PABPC4L: variants seen among roughly 807,000 people sequenced by gnomAD.
PABPC4L encodes the protein polyadenylate-binding protein 4-like.
For synonymous variants in PABPC4L, 169 were observed against 164.1 expected (o/e 1.03, Z -0.23); for missense variants, 452 against 451.4 (o/e 1.00, Z -0.01).
At chr4:134,153,306 A>T in the PABPC4L span, among the ~76,000 whole-genome samples, 3 of 151,954 alleles carry the variant, frequency 2.0e-5, no homozygotes, top group African/African-American at 7.3e-5. Context: ...CCGAGTCATC[A>T]CTGTTAATGC....
the PABPC4L span, among the ~76,000 whole-genome samples, chr4:134,108,776 T>A: frequency 6.6e-6 from 1 of 151,978 alleles, no homozygotes; most frequent in African/African-American, 2.4e-5. Context: ...TTGGAGATGG[T>A]GTTCTCACTC....
At chr4:134,032,514 C>T in the PABPC4L span, among the ~76,000 whole-genome samples, 1 of 151,726 alleles carries the variant, frequency 6.6e-6, no homozygotes, top group Admixed American at 6.6e-5. Flanking sequence ...TATTCATTGC[C>T]TGTTAGATTT....
At chr4:134,108,218 A>G in the PABPC4L span, among the ~76,000 whole-genome samples, 1 of 151,776 alleles carries the variant, frequency 6.6e-6, no homozygotes, top group African/African-American at 2.4e-5. Flanking sequence ...CATAATTGTG[A>G]TAACATATTA....
At chr4:133,971,143 C>T in the PABPC4L span, among the ~76,000 whole-genome samples, 1 of 117,648 alleles carries the variant, frequency 8.5e-6, no homozygotes. Flanking sequence ...GACGGAGTCT[C>T]ACTCTGTCGC....
the PABPC4L span, among the ~76,000 whole-genome samples, chr4:134,158,400 A>T: frequency 6.6e-6 from 1 of 152,030 alleles, no homozygotes; most frequent in Admixed American, 6.6e-5. Flanking sequence ...TTCTACAGAT[A>T]ATTTTCTAGG....
At chr4:134,194,329 G>C (rs6838352), downstream of PABPC4L, among the ~76,000 whole-genome samples, 73,689 of 151,534 alleles carry the variant, frequency 0.49, 21,513 homozygotes, top group East Asian at 0.98. Context: ...AATAGCTCAT[G>C]TATTGCAGAT....
chr4:133,996,093 T>C, the PABPC4L span, among the ~76,000 whole-genome samples: 13 of 152,286 alleles, frequency 8.5e-5, no homozygotes, highest in African/African-American at 3.1e-4. Context: ...ATCTCTTCTC[T>C]TTTTTCCAAT....
the PABPC4L span, among the ~76,000 whole-genome samples, chr4:134,028,770 CATT>C: frequency 6.6e-6 from 1 of 152,130 alleles, no homozygotes; most frequent in Non-Finnish European, 1.5e-5. Flanking sequence ...TGCAAACTCT[CATT>C]AGCACTCCTG....
the PABPC4L span, among the ~76,000 whole-genome samples, chr4:134,189,336 T>G: frequency 1.0e-3 from 158 of 152,224 alleles, no homozygotes; most frequent in Middle Eastern, 3.4e-3. Context: ...TTTTGCCATT[T>G]AGTATATTTC....
In PABPC4L at chr4:134,201,072, C is replaced by G. The variant is rs1316278145; in HGVS notation, c.-53G>C. 1.9e-6 allele frequency: 3 copies of G among 1,551,246 alleles called. No homozygotes were observed. Among genetic ancestry groups the G allele is most frequent in the Non-Finnish European group, 2.6e-6 (3 of 1,146,950 alleles). On this transcript the variant is annotated 5_prime_UTR_variant, in exon 2 of 2. Transcript: ENST00000421491. ...TCCCCTGGAGTTCTTTGAGCAATCC[C>G]TGTGGGGGGATACTAGGTCACAGCT...
the PABPC4L span, among the ~76,000 whole-genome samples, chr4:134,146,440 G>GA: frequency 6.6e-6 from 1 of 151,840 alleles, no homozygotes; most frequent in East Asian, 1.9e-4. Flanking sequence ...TGGAGAATGA[G>GA]AAAAAATGGC....
chr4:134,160,786 C>A, the PABPC4L span, among the ~76,000 whole-genome samples: 1 of 151,378 alleles, frequency 6.6e-6, no homozygotes, highest in African/African-American at 2.4e-5. Context: ...ATTGCTCAAG[C>A]CTAGGAGTTT....
At chr4:134,054,299 A>T in the PABPC4L span, among the ~76,000 whole-genome samples, 1 of 132,080 alleles carries the variant, frequency 7.6e-6, no homozygotes, top group Admixed American at 8.1e-5. Flanking sequence ...TAGTTATGCT[A>T]GTAGTTTTGA....
chr4:133,996,787 C>A, the PABPC4L span, among the ~76,000 whole-genome samples: 12 of 152,210 alleles, frequency 7.9e-5, no homozygotes, highest in South Asian at 4.1e-4. Flanking sequence ...GCAGCAGCTA[C>A]CCCCATAAGT....
chr4:134,168,723 A>T, the PABPC4L span, among the ~76,000 whole-genome samples: 1 of 152,174 alleles, frequency 6.6e-6, no homozygotes, highest in Non-Finnish European at 1.5e-5. Context: ...AACCATAAAA[A>T]AATCAGAAAC....
At chr4:133,981,627 C>A in the PABPC4L span, among the ~76,000 whole-genome samples, 4 of 151,900 alleles carry the variant, frequency 2.6e-5, no homozygotes, top group African/African-American at 9.7e-5. Context: ...TACAATGACA[C>A]TCAATCAATT....
At chr4:134,072,824 T>A in the PABPC4L span, among the ~76,000 whole-genome samples, 1 of 152,180 alleles carries the variant, frequency 6.6e-6, no homozygotes, top group East Asian at 1.9e-4. Context: ...AAGAGATAGC[T>A]GACGAGCACA....
chr4:134,013,140 T>A, the PABPC4L span, among the ~76,000 whole-genome samples: 1 of 151,976 alleles, frequency 6.6e-6, no homozygotes, highest in East Asian at 1.9e-4. Flanking sequence ...CTCTACCCCT[T>A]CTCCGCTTTT....
At chr4:134,091,994 T>C in the PABPC4L span, among the ~76,000 whole-genome samples, 8 of 152,070 alleles carry the variant, frequency 5.3e-5, no homozygotes, top group Non-Finnish European at 1.0e-4. Context: ...AATAATATAT[T>C]TGCTTCATAA....
Sources: gnomAD v4.1 joint callset for allele counts (sites outside exome capture counted in the v4.1 genomes callset) on GRCh38, gnomAD v4.1.1 for gene constraint, MANE v1.5 for transcripts, NCBI Gene and HGNC (gene_info 2026-07-23, HGNC 2026-07-21) for gene names.